The following DNAH6 variants were observed in gnomAD, a reference collection of about 807,000 sequenced individuals.
DNAH6 encodes the protein axonemal beta dynein heavy chain 6.
In DNAH6, 340 loss-of-function variants were observed where a neutral mutation model predicts 491.4. The ratio of observed to expected loss-of-function variants is 0.69; its 90% CI spans 0.63 to 0.76. DNAH6 has a LOEUF of 0.76. Among genes scored for constraint, DNAH6 ranks in the 30% least tolerant of loss-of-function variants. The pLI is 0.00. For missense variants in DNAH6, 4,443 were observed against 4,972.2 expected (o/e 0.89, Z 3.20); for synonymous variants, 1,603 against 1,686.1 (o/e 0.95, Z 1.21).
At chr2:84,464,025 C>A in the DNAH6 span, among the ~76,000 whole-genome samples, 1 of 152,118 alleles carries the variant, frequency 6.6e-6, no homozygotes, top group Non-Finnish European at 1.5e-5. Context: ...TTTCCTTTCA[C>A]CAGAGTTTTG....
chr2:84,526,980 C>G (rs563753246), intron 3 of DNAH6, among the ~76,000 whole-genome samples: 15 of 152,062 alleles, frequency 9.9e-5, no homozygotes, highest in Non-Finnish European at 1.6e-4. Flanking sequence ...GTAGCTGTCA[C>G]TCAGTGAAGA....
the DNAH6 span, among the ~76,000 whole-genome samples, chr2:84,503,225 CAACTT>C: frequency 6.6e-6 from 1 of 152,164 alleles, no homozygotes; most frequent in Middle Eastern, 3.4e-3. Flanking sequence ...AACCTGATAA[CAACTT>C]AACACTGTTT....
At position 84,577,435 on chromosome 2, in the gene DNAH6, A is replaced by G. The variant is rs758204980; in HGVS notation, c.2076+27A>G. ...TAACTATAAACTAGAAAAAAAAATA[A>G]TTATTCCTCTACAATTATTTTATGA... On this transcript the variant is annotated intron_variant, in intron 13 of 76. Transcript: ENST00000389394. 4.0e-6 allele frequency: 6 copies of G among 1,490,296 alleles called. No homozygotes were observed. In the African/African-American group the frequency reaches 8.5e-5, roughly 21 times the overall value. The allele number at this position is 1,490,296 out of a possible 1,614,324, so 92.3% of individuals were successfully genotyped here.
In DNAH6 at chr2:84,722,618, T is replaced by C; in HGVS notation, c.9793-7T>C. ...CCCTAAGAACTTGTTATTGTATGTT[T>C]ATTCAGATCACTTCTGGTGCCATTA... is the stretch of plus-strand genomic sequence containing the variant. On this transcript the variant is annotated splice_polypyrimidine_tract_variant and splice_region_variant and intron_variant, in intron 59 of 76. Transcript: ENST00000389394. The C allele has an allele frequency of 6.5e-7, 1 of 1,539,286 alleles. No homozygotes were observed. The highest frequency in any genetic ancestry group is 8.8e-7 in the Non-Finnish European group (1 of 1,142,770).
At chr2:84,624,855 G>A in intron 28 of DNAH6, 47 bp from the exon 29 acceptor site, 1 of 1,480,510 alleles carries the variant, frequency 6.8e-7, no homozygotes, top group Non-Finnish European at 9.0e-7. Flanking sequence ...CTTAATTTGT[G>A]GCCAGAGTTG....
At chr2:84,570,754 A>G (rs1681727098) in intron 11 of DNAH6, among the ~76,000 whole-genome samples, 1 of 152,198 alleles carries the variant, frequency 6.6e-6, no homozygotes, top group Non-Finnish European at 1.5e-5. Flanking sequence ...TGGCCACCCG[A>G]GCCAGTAGCT....
rs1034476131 is a variant in DNAH6 at position 84,713,080 on chromosome 2, G to T, written c.9379-15G>T. The T allele has an allele frequency of 6.5e-7, 1 of 1,545,034 alleles. No homozygotes were observed. The highest frequency in any genetic ancestry group is 2.4e-5 in the East Asian group (1 of 40,876). ...GCTTCTTTTTGTATTGTCCTGTTTTGTTTTAATTTCTAAGCTTAAGGAAAC... is the reference window on the plus strand; with the variant it reads ...GCTTCTTTTTGTATTGTCCTGTTTTTTTTTAATTTCTAAGCTTAAGGAAAC... On this transcript the variant is annotated splice_polypyrimidine_tract_variant and intron_variant, in intron 56 of 76. Coordinates refer to ENST00000389394, the MANE Select transcript of DNAH6 (RefSeq NM_001370.2).
chr2:84,662,426 T>C (rs528439786), intron 37 of DNAH6, among the ~76,000 whole-genome samples: 2 of 152,154 alleles, frequency 1.3e-5, no homozygotes, highest in Non-Finnish European at 2.9e-5. Context: ...TTTCCAACGG[T>C]CTTAGAAAAC....
At chr2:84,510,390 G>T in the DNAH6 span, among the ~76,000 whole-genome samples, 1 of 152,138 alleles carries the variant, frequency 6.6e-6, no homozygotes, top group African/African-American at 2.4e-5. Flanking sequence ...TTGTGCATTC[G>T]TCACGTAGTT....
chr2:84,769,593 G>A (rs1675420745), intron 64 of DNAH6, among the ~76,000 whole-genome samples: 1 of 152,162 alleles, frequency 6.6e-6, no homozygotes, highest in African/African-American at 2.4e-5. Context: ...TCTTGTTCTT[G>A]GGGGATTGTA....
At chr2:84,687,249 TG>T in intron 44 of DNAH6, among the ~76,000 whole-genome samples, 1 of 152,308 alleles carries the variant, frequency 6.6e-6, no homozygotes, top group East Asian at 1.9e-4. Flanking sequence ...CTGCCTACAT[TG>T]GCAGATAGCC....
intron 13 of DNAH6, among the ~76,000 whole-genome samples, chr2:84,579,221 G>A (rs899371526): frequency 2.6e-5 from 4 of 152,206 alleles, no homozygotes; most frequent in Non-Finnish European, 5.9e-5. Context: ...CATGAAAGGA[G>A]TGGGACTGAT....
chr2:84,712,640 TA>T (rs1459597903), intron 56 of DNAH6, among the ~76,000 whole-genome samples: 4 of 152,194 alleles, frequency 2.6e-5, no homozygotes, highest in Non-Finnish European at 2.9e-5. Flanking sequence ...TTACAACCCT[TA>T]AAAAGGTAAA....
chr2:84,537,335 C>T (rs185873234), intron 4 of DNAH6, among the ~76,000 whole-genome samples: 1 of 151,942 alleles, frequency 6.6e-6, no homozygotes, highest in East Asian at 1.9e-4. Flanking sequence ...GAGCATGTGC[C>T]CTGTAGGAAT....
chr2:84,636,835 A>G (rs1015474746), intron 30 of DNAH6, among the ~76,000 whole-genome samples: 1 of 152,048 alleles, frequency 6.6e-6, no homozygotes, highest in Non-Finnish European at 1.5e-5. Flanking sequence ...TCAAGGCTGC[A>G]GTGAGCTCTG....
intron 12 of DNAH6, among the ~76,000 whole-genome samples, chr2:84,576,400 T>C (rs1682451121): frequency 6.6e-6 from 1 of 152,022 alleles, no homozygotes; most frequent in South Asian, 2.1e-4. Context: ...GGAGAGGAGA[T>C]GGCATGAATA....
intron 72 of DNAH6, among the ~76,000 whole-genome samples, chr2:84,810,221 C>G (rs961450798): frequency 2.6e-5 from 4 of 152,278 alleles, no homozygotes; most frequent in African/African-American, 9.6e-5. Context: ...TAATTTCCCC[C>G]CTATGAGTAT....
chr2:84,664,780 A>G (rs1446365470), intron 37 of DNAH6, among the ~76,000 whole-genome samples: 1 of 152,208 alleles, frequency 6.6e-6, no homozygotes, highest in Non-Finnish European at 1.5e-5. Flanking sequence ...TCCACCCCAA[A>G]TCAACAGAAT....
At chr2:84,812,828 T>G (rs1433887748) in intron 73 of DNAH6, among the ~76,000 whole-genome samples, 3 of 152,114 alleles carry the variant, frequency 2.0e-5, no homozygotes, top group African/African-American at 7.2e-5. Context: ...CAGATAACTT[T>G]GCTGCTGTCT....
Sources: gnomAD v4.1 joint callset for allele counts (sites outside exome capture counted in the v4.1 genomes callset) on GRCh38, gnomAD v4.1.1 for gene constraint, MANE v1.5 for transcripts, NCBI Gene and HGNC (gene_info 2026-07-23, HGNC 2026-07-21) for gene names.